The following ZCCHC7 variants were observed in gnomAD, a reference collection of about 807,000 sequenced individuals.
ZCCHC7 encodes zinc finger CCHC-type containing 7.
A neutral mutation model predicts 52.0 loss-of-function variants in ZCCHC7; 35 were observed. The observed-to-expected ratio is 0.67, with a 90% CI of 0.51 to 0.89. The LOEUF (loss-of-function observed/expected upper bound fraction) is 0.89, where lower values mean the gene tolerates loss of function less well. Ranked by LOEUF, ZCCHC7 falls within the 40% of genes least tolerant of loss-of-function variation. The pLI is 0.00. For missense variants in ZCCHC7, 574 were observed against 649.1 expected (o/e 0.88, Z 1.26); for synonymous variants, 217 against 221.5 (o/e 0.98, Z 0.18).
At chr9:37,200,048 C>T (rs1823549801) in intron 2 of ZCCHC7, among the ~76,000 whole-genome samples, 1 of 152,098 alleles carries the variant, frequency 6.6e-6, no homozygotes, top group African/African-American at 2.4e-5. Flanking sequence ...TTTTGCCTTC[C>T]CATTTGTGCG....
At chr9:37,232,763 TAAAG>T (rs766267038) in intron 2 of ZCCHC7, among the ~76,000 whole-genome samples, 4 of 152,210 alleles carry the variant, frequency 2.6e-5, no homozygotes, top group African/African-American at 7.2e-5. Context: ...CATAAAGAGA[TAAAG>T]AAATATTTGG....
At chr9:37,122,673 C>T (rs556317830) in intron 1 of ZCCHC7, among the ~76,000 whole-genome samples, 7 of 152,370 alleles carry the variant, frequency 4.6e-5, no homozygotes, top group African/African-American at 1.7e-4. Flanking sequence ...TGTGCGGTGG[C>T]TCACGCCTGT....
At chr9:37,185,787 C>T (rs1822619636) in intron 2 of ZCCHC7, among the ~76,000 whole-genome samples, 1 of 152,096 alleles carries the variant, frequency 6.6e-6, no homozygotes, top group Admixed American at 6.5e-5. Context: ...ACCTCAAGAT[C>T]CTTAATTATA....
intron 5 of ZCCHC7, among the ~76,000 whole-genome samples, chr9:37,317,850 C>A (rs1349142032): frequency 6.6e-6 from 1 of 151,098 alleles, no homozygotes; most frequent in Non-Finnish European, 1.5e-5. Flanking sequence ...CCGACCCCCC[C>A]CAAAAAAGCC....
intron 2 of ZCCHC7, among the ~76,000 whole-genome samples, chr9:37,199,969 G>A (rs1416009798): frequency 6.6e-6 from 1 of 152,116 alleles, no homozygotes; most frequent in Non-Finnish European, 1.5e-5. Flanking sequence ...GCCTCCCAAA[G>A]TGCTGGGATT....
Position 37,126,718 on chromosome 9 carries a change from T to G in ZCCHC7, c.386T>G (p.Val129Gly), listed in dbSNP as rs1386025429. The G allele has an allele frequency of 1.2e-6, 2 of 1,613,956 alleles. No individual in the cohort carries two copies. Among genetic ancestry groups the G allele is most frequent in the Non-Finnish European group, 1.7e-6 (2 of 1,180,022 alleles). ...LSSSLQSNEL[V>G]DKKCKSDIEK... Reference sequence around the variant, plus strand: ...TCTTCTCTTCAATCTAATGAGCTGGTTGATAAGAAATGCAAGAGTGATATT... The same window carrying G: ...TCTTCTCTTCAATCTAATGAGCTGGGTGATAAGAAATGCAAGAGTGATATT... The change falls in exon 2 of 9, where the codon GTT becomes GGT. Residue 129 changes from valine (V) to glycine (G), a missense_variant. Around this residue, in one of 3 missense-constraint regions of ZCCHC7, gnomAD observed 403 missense variants for 461.2 expected, o/e 0.87. Coordinates refer to ENST00000336755, the MANE Select transcript of ZCCHC7 (RefSeq NM_032226.3).
intron 5 of ZCCHC7, among the ~76,000 whole-genome samples, chr9:37,312,581 T>C (rs1442048768): frequency 6.6e-6 from 1 of 152,218 alleles, no homozygotes; most frequent in African/African-American, 2.4e-5. Context: ...TAACTGTGTC[T>C]TTTTATTTTG....
chr9:37,324,576 A>G (rs1339684622), intron 5 of ZCCHC7, among the ~76,000 whole-genome samples: 2 of 152,086 alleles, frequency 1.3e-5, no homozygotes, highest in African/African-American at 4.8e-5. Context: ...TCACAGCTAC[A>G]TTTTCTCCCG....
intron 2 of ZCCHC7, among the ~76,000 whole-genome samples, chr9:37,225,491 G>C (rs1350064720): frequency 6.6e-6 from 1 of 152,010 alleles, no homozygotes; most frequent in African/African-American, 2.4e-5. Flanking sequence ...GATACTACCA[G>C]AAAGCTACAG....
chr9:37,201,080 T>G (rs1669498695), intron 2 of ZCCHC7, among the ~76,000 whole-genome samples: 1 of 152,226 alleles, frequency 6.6e-6, no homozygotes, highest in Non-Finnish European at 1.5e-5. Context: ...ACTTTTGTTT[T>G]GAATTCATTG....
At chr9:37,246,159 G>T (rs942524044) in intron 2 of ZCCHC7, among the ~76,000 whole-genome samples, 1 of 152,104 alleles carries the variant, frequency 6.6e-6, no homozygotes, top group Non-Finnish European at 1.5e-5. Context: ...TCATGGTACT[G>T]TTCTTCTGGA....
chr9:37,337,609 C>T (rs915559956), intron 6 of ZCCHC7, among the ~76,000 whole-genome samples: 1 of 152,202 alleles, frequency 6.6e-6, no homozygotes, highest in South Asian at 2.1e-4. Context: ...AAGGTTTTAT[C>T]GGCTGGTCTG....
chr9:37,321,882 T>C (rs1830067957), intron 5 of ZCCHC7, among the ~76,000 whole-genome samples: 1 of 152,222 alleles, frequency 6.6e-6, no homozygotes, highest in African/African-American at 2.4e-5. Context: ...AGAAACAGTA[T>C]AGTATAGAAC....
At chr9:37,349,526 G>A (rs563207833) in intron 7 of ZCCHC7, 74 bp downstream of exon 7, 1 of 1,375,800 alleles carries the variant, frequency 7.3e-7, no homozygotes, top group East Asian at 2.3e-5. Context: ...AACTCAAAAA[G>A]AATGTAACTC....
At chr9:37,350,068 G>T (rs565727583) in intron 7 of ZCCHC7, among the ~76,000 whole-genome samples, 1 of 151,108 alleles carries the variant, frequency 6.6e-6, no homozygotes, top group East Asian at 1.9e-4. Flanking sequence ...GATTACAGGC[G>T]TGAGCTACCA....
At chr9:37,269,215 A>G (rs1028135588) in intron 2 of ZCCHC7, among the ~76,000 whole-genome samples, 1 of 152,198 alleles carries the variant, frequency 6.6e-6, no homozygotes. Context: ...CAGGCATTGT[A>G]GGCCATGTTA....
chr9:37,230,564 G>GT (rs1240526225), intron 2 of ZCCHC7, among the ~76,000 whole-genome samples: 1 of 152,094 alleles, frequency 6.6e-6, no homozygotes, highest in Non-Finnish European at 1.5e-5. Context: ...GTTTATTGGA[G>GT]TTAGGTTGGT....
chr9:37,137,755 T>C (rs1262109917), intron 2 of ZCCHC7, among the ~76,000 whole-genome samples: 4 of 152,224 alleles, frequency 2.6e-5, no homozygotes, highest in African/African-American at 9.6e-5. Flanking sequence ...TTATAATCTT[T>C]TAACATAGGA....
intron 2 of ZCCHC7, 138 bp downstream of exon 2, chr9:37,127,080 C>A: frequency 2.9e-6 from 3 of 1,023,340 alleles, no homozygotes; most frequent in Non-Finnish European, 4.2e-6. Flanking sequence ...GTTTCTCATG[C>A]GACTCTCTTA....
Sources: gnomAD v4.1 joint callset for allele counts (sites outside exome capture counted in the v4.1 genomes callset) on GRCh38, gnomAD v4.1.1 for gene constraint, gnomAD v4.1.1 regional missense constraint, MANE v1.5 for transcripts, NCBI Gene and HGNC (gene_info 2026-07-23, HGNC 2026-07-21) for gene names.